Variants in PRKN observed in about 807,000 individuals in gnomAD.
The protein encoded by PRKN is E3 ubiquitin-protein ligase parkin.
PRKN carries 56 observed loss-of-function variants against 59.5 expected under a neutral mutation model. The ratio of observed to expected loss-of-function variants is 0.94; its 90% confidence interval spans 0.76 to 1.18. PRKN has a LOEUF of 1.18. Among genes scored for constraint, PRKN ranks in the 50% most tolerant of loss-of-function variants. PRKN has a pLI of 0.00. For missense variants in PRKN, 657 were observed against 596.4 expected (o/e 1.10, Z -1.06); for synonymous variants, 250 against 222.1 (o/e 1.13, Z -1.12).
At chr6:162,396,420 G>A (rs1255938601) in intron 2 of PRKN, among the ~76,000 whole-genome samples, 1 of 152,026 alleles carries the variant, frequency 6.6e-6, no homozygotes, top group African/African-American at 2.4e-5. Flanking sequence ...CACTAGTTCT[G>A]GCTAACAAGG....
chr6:162,095,474 C>G (rs1779687118), intron 4 of PRKN, among the ~76,000 whole-genome samples: 1 of 152,096 alleles, frequency 6.6e-6, no homozygotes, highest in African/African-American at 2.4e-5. Flanking sequence ...TTATAGTTTA[C>G]ATGGAGAGAT....
At chr6:161,944,017 G>C (rs906927222) in intron 6 of PRKN, among the ~76,000 whole-genome samples, 102 of 62,780 alleles carry the variant, frequency 1.6e-3, no homozygotes, top group African/African-American at 6.5e-3. Context: ...CAGCCTGAGG[G>C]ATCAGCCTGA....
chr6:161,476,944 T>C (rs1199205677), intron 9 of PRKN, among the ~76,000 whole-genome samples: 1 of 152,174 alleles, frequency 6.6e-6, no homozygotes, highest in Admixed American at 6.5e-5. Context: ...GTGAAATGGC[T>C]TGGACACAAA....
chr6:161,627,990 G>A (rs994418880), intron 7 of PRKN, among the ~76,000 whole-genome samples: 1 of 151,766 alleles, frequency 6.6e-6, no homozygotes, highest in African/African-American at 2.4e-5. Context: ...CTGCAAAATC[G>A]GTATTAGCCA....
chr6:161,732,485 T>TTGTGTG (rs1554298361), intron 7 of PRKN, among the ~76,000 whole-genome samples: 33 of 146,508 alleles, frequency 2.3e-4, no homozygotes, highest in African/African-American at 8.0e-4. Flanking sequence ...TTTTTTTTTT[T>TTGTGTG]TGTGTGTGTG....
At chr6:162,031,538 CTTTTT>C (rs57437847) in intron 5 of PRKN, among the ~76,000 whole-genome samples, 2 of 141,218 alleles carry the variant, frequency 1.4e-5, no homozygotes, top group African/African-American at 2.6e-5. Flanking sequence ...TTTTCTTTTT[CTTTTT>C]TTTTTTTTTG....
chr6:162,196,944 T>C (rs1218682026), intron 4 of PRKN, among the ~76,000 whole-genome samples: 1 of 151,942 alleles, frequency 6.6e-6, no homozygotes, highest in Non-Finnish European at 1.5e-5. Flanking sequence ...CGTTGCAAAC[T>C]GATTTTTCCA....
At chr6:162,011,982 T>C (rs1412755636) in intron 5 of PRKN, among the ~76,000 whole-genome samples, 3 of 152,092 alleles carry the variant, frequency 2.0e-5, no homozygotes, top group Non-Finnish European at 4.4e-5. Context: ...AGGATAGATA[T>C]AGACAATACT....
Position 161,445,806 on chromosome 6 carries a change from TTCCCTTCCC to T in PRKN, c.1084-58938_1084-58930del. Among the ~76,000 whole-genome samples the T allele has an allele frequency of 1.1e-5, 1 of 89,094 alleles. No homozygotes were observed. Among genetic ancestry groups the T allele is most frequent in the African/African-American group, 4.2e-5 (1 of 23,686 alleles). The allele number at this position is 89,094 out of a possible 152,430, so 58.4% of individuals were successfully genotyped here. A position where few individuals can be genotyped will look rare whatever the true frequency, so the allele number is the denominator to read the frequency against. ...AAGAATACAAGGGGTTTCCCTTCCC[TTCCCTTCCC>T]TTCCCTTCCCTTCCCTTCCCTATCG... On this transcript the variant is annotated intron_variant, in intron 9 of 11. Coordinates refer to ENST00000366898, the MANE Select transcript of PRKN (RefSeq NM_004562.3). The surrounding 1 kb of genome is among the most constrained non-coding windows in gnomAD (Gnocchi z 7.7).
At chr6:162,566,173 C>A (rs1340008764) in intron 1 of PRKN, among the ~76,000 whole-genome samples, 1 of 152,034 alleles carries the variant, frequency 6.6e-6, no homozygotes, top group African/African-American at 2.4e-5. Context: ...CAGAACTGGA[C>A]AGGTCTTCAA....
chr6:162,231,937 G>C (rs1334746066), intron 3 of PRKN, among the ~76,000 whole-genome samples: 1 of 152,120 alleles, frequency 6.6e-6, no homozygotes, highest in Non-Finnish European at 1.5e-5. Context: ...GCCTGGCTGG[G>C]TTAAGGCTGC....
chr6:161,741,550 C>G (rs1437362307), intron 7 of PRKN, among the ~76,000 whole-genome samples: 1 of 152,116 alleles, frequency 6.6e-6, no homozygotes, highest in African/African-American at 2.4e-5. Flanking sequence ...GAAAGGCAGT[C>G]AGGTTCTTCA....
chr6:162,201,209 G>C lies in PRKN; in HGVS notation c.456C>G (p.Gly152=), dbSNP rs763541235. Residue 152 remains glycine, a synonymous_variant, in exon 4 of 12, where the codon GGC becomes GGG. Transcript: ENST00000366898. The stretch of plus-strand genomic sequence containing the variant: ...TTCCCGGCTGCACTCTTTGACAGGG[G>C]CCTTTGCAATACACATAAAAGCTGT... The part of the protein sequence containing the change: ...IYNSFYVYCK[G]PCQRVQPGKL... 5 of 1,613,766 alleles carry C rather than the reference G, an allele frequency of 3.1e-6. No individual in the cohort carries two copies. In the African/African-American group the frequency reaches 5.3e-5, roughly 17 times the overall value.
intron 1 of PRKN, among the ~76,000 whole-genome samples, chr6:162,665,346 A>C (rs1779060706): frequency 6.6e-6 from 1 of 152,154 alleles, no homozygotes; most frequent in South Asian, 2.1e-4. Context: ...CTCAGGATAC[A>C]AAATCAATGT....
chr6:162,477,003 G>A (rs1792056150), intron 1 of PRKN, among the ~76,000 whole-genome samples: 1 of 152,136 alleles, frequency 6.6e-6, no homozygotes, highest in Admixed American at 6.5e-5. Context: ...TCTAGCCTGG[G>A]ACCTGAAGTG....
At chr6:161,696,201 GA>G (rs1477538537) in intron 7 of PRKN, among the ~76,000 whole-genome samples, 2 of 152,158 alleles carry the variant, frequency 1.3e-5, no homozygotes, top group Non-Finnish European at 2.9e-5. Flanking sequence ...TAGAATTTTG[GA>G]AAACCATTTT....
chr6:161,761,752 A>T (rs1789210709), intron 7 of PRKN, among the ~76,000 whole-genome samples: 1 of 152,212 alleles, frequency 6.6e-6, no homozygotes, highest in African/African-American at 2.4e-5. Flanking sequence ...GAATTCTATC[A>T]AGTACACACT....
intron 6 of PRKN, among the ~76,000 whole-genome samples, chr6:161,888,653 A>T (rs1461187852): frequency 2.0e-5 from 3 of 152,146 alleles, no homozygotes. Context: ...TAGGCCTGTC[A>T]TTATCAATAA....
intron 7 of PRKN, among the ~76,000 whole-genome samples, chr6:161,629,365 C>T (rs1051947962): frequency 1.3e-5 from 2 of 152,030 alleles, no homozygotes; most frequent in Non-Finnish European, 1.5e-5. Flanking sequence ...CAGTCAGGAG[C>T]GATTTCAGAA....
Sources: allele counts gnomAD v4.1 joint callset (sites outside exome capture counted in the v4.1 genomes callset), GRCh38; gene constraint gnomAD v4.1.1; non-coding constraint Gnocchi (gnomAD v3.1); transcripts MANE v1.5; gene names NCBI Gene and HGNC (gene_info 2026-07-23, HGNC 2026-07-21).